KIDINS220: variants seen among roughly 807,000 people sequenced by gnomAD.
KIDINS220 encodes the protein kinase D interacting substrate 220.
Under a neutral mutation model 157.6 loss-of-function variants are expected in KIDINS220, and 63 were observed. The observed-to-expected ratio is 0.40, with a 90% CI of 0.33 to 0.49. The LOEUF is 0.49. Ranked by LOEUF, KIDINS220 falls within the 20% of genes least tolerant of loss-of-function variation. The probability of loss-of-function intolerance (pLI) is 0.66; values close to 1 mark genes in which losing one functional copy is unlikely to be tolerated. For synonymous variants in KIDINS220, 732 were observed against 783.6 expected, an observed-to-expected ratio of 0.93 and a Z score of 1.10; for missense variants, 1,772 against 2,171.2, an observed-to-expected ratio of 0.82 and a Z score of 3.65.
intron 22 of KIDINS220, among the ~76,000 whole-genome samples, chr2:8,766,473 C>A (rs976932468): frequency 6.6e-6 from 1 of 152,166 alleles, no homozygotes; most frequent in African/African-American, 2.4e-5. Flanking sequence ...ACACTTGCTG[C>A]CTTTAACATG....
chr2:8,793,904 C>G lies in KIDINS220; in HGVS notation c.1182G>C (p.Gly394=), dbSNP rs776644093. 6.2e-7 allele frequency: 1 copy of G among 1,613,822 alleles called. No individual in the cohort carries two copies. The highest frequency in any genetic ancestry group is 8.5e-7 in the Non-Finnish European group (1 of 1,179,940). Residue 394 remains glycine, a synonymous_variant, in exon 12 of 30, where the codon GGG becomes GGC. Coordinates refer to ENST00000256707, the MANE Select transcript of KIDINS220 (RefSeq NM_020738.4). ...AELLLRNPKD[G]RLLYRPNKAG... The stretch of plus-strand genomic sequence containing the variant: ...CTTTGTTGGGCCTATAAAGTAATCG[C>G]CCATCTTTGGGATTTCTTAAAAGCA...
intron 13 of KIDINS220, 69 bp from the exon 14 acceptor site, chr2:8,790,128 G>T: frequency 7.1e-7 from 1 of 1,399,396 alleles, no homozygotes. Context: ...AACTCAATAT[G>T]CAGTTTTCAC....
chr2:8,812,340 A>G (rs1288458646), intron 6 of KIDINS220, 55 bp downstream of exon 6: 10 of 832,304 alleles, frequency 1.2e-5, no homozygotes, highest in Admixed American at 2.4e-5. Context: ...TTTATAACTT[A>G]GACACTGAGT....
intron 11 of KIDINS220, chr2:8,794,278 G>T: frequency 4.6e-6 from 1 of 215,640 alleles, no homozygotes; most frequent in Non-Finnish European, 9.2e-6. Flanking sequence ...CTTTCTCCCT[G>T]CAGCTCCTCC....
At chr2:8,810,448 T>C (rs1676121962) in intron 6 of KIDINS220, among the ~76,000 whole-genome samples, 1 of 152,188 alleles carries the variant, frequency 6.6e-6, no homozygotes, top group South Asian at 2.1e-4. Flanking sequence ...AAACATTTTA[T>C]TATAGGCAAG....
intron 22 of KIDINS220, among the ~76,000 whole-genome samples, chr2:8,768,703 TA>T (rs1447325658): frequency 1.3e-5 from 2 of 152,156 alleles, no homozygotes; most frequent in Non-Finnish European, 2.9e-5. Flanking sequence ...CGGCTGTAAA[TA>T]AAACTTTCTC....
chr2:8,774,220 C>T (rs1670636523), intron 21 of KIDINS220, among the ~76,000 whole-genome samples: 2 of 150,590 alleles, frequency 1.3e-5, no homozygotes, highest in Admixed American at 1.3e-4. Flanking sequence ...CACTTAAACC[C>T]CGAAGGCGGA....
chr2:8,815,109 A>G (rs981561748), intron 4 of KIDINS220, among the ~76,000 whole-genome samples: 2 of 152,188 alleles, frequency 1.3e-5, no homozygotes, highest in Non-Finnish European at 2.9e-5. Flanking sequence ...TTCAATTTGA[A>G]TAATGTCCCA....
intron 21 of KIDINS220, among the ~76,000 whole-genome samples, chr2:8,773,079 T>G (rs976955972): frequency 3.9e-5 from 6 of 152,224 alleles, no homozygotes; most frequent in African/African-American, 1.4e-4. Flanking sequence ...GTAAGTTATT[T>G]TTCAACATAG....
intron 7 of KIDINS220, among the ~76,000 whole-genome samples, chr2:8,804,678 C>G (rs896575996): frequency 1.3e-5 from 2 of 151,974 alleles, no homozygotes; most frequent in African/African-American, 4.8e-5. Flanking sequence ...CAATGTTTTC[C>G]CCAATATTAA....
At position 8,757,873 on chromosome 2, in the gene KIDINS220, T is replaced by C. The variant is rs1668231652; in HGVS notation, c.3012-6229A>G. On this transcript the variant is annotated intron_variant, in intron 22 of 29. Transcript: ENST00000256707. ...TTCTGTATGTTTTCTTTGTTGGTTT[T>C]GTTTTTAAGATGGAGTTTCACTCTT... 5.7e-6 allele frequency: 7 copies of C among 1,231,958 alleles called. No individual in the cohort carries two copies. The South Asian group carries it at 8.8e-5, about 15-fold the overall frequency. 76.3% of individuals were successfully genotyped at this position (1,231,958 alleles called of 1,614,324 possible).
chr2:8,780,391 C>T (rs996588889), intron 17 of KIDINS220, among the ~76,000 whole-genome samples: 38 of 151,938 alleles, frequency 2.5e-4, no homozygotes, highest in African/African-American at 8.7e-4. Flanking sequence ...ATATGTATTT[C>T]CACTGGAAAA....
chr2:8,783,367 T>A (rs1236090271), intron 17 of KIDINS220, among the ~76,000 whole-genome samples: 1 of 152,186 alleles, frequency 6.6e-6, no homozygotes, highest in East Asian at 1.9e-4. Context: ...GTTAACATCA[T>A]ACTTAATGGT....
chr2:8,734,093 A>G lies in KIDINS220; in HGVS notation c.3817-413T>C, dbSNP rs957914944. 5.3e-5 allele frequency among the ~76,000 whole-genome samples: 8 copies of G among 152,030 alleles called. No individual in the cohort carries two copies. In the East Asian group the frequency reaches 1.6e-3, roughly 29 times the overall value. Reference sequence around the variant, plus strand: ...GGAGTCCAACTCGGAATAAGCACGAATGAGTGGGGATCTACCACCAAGGGG... The same window carrying G: ...GGAGTCCAACTCGGAATAAGCACGAGTGAGTGGGGATCTACCACCAAGGGG... On this transcript the variant is annotated intron_variant, in intron 28 of 29. Transcript: ENST00000256707.
chr2:8,775,395 T>C (rs749589775), intron 21 of KIDINS220, among the ~76,000 whole-genome samples: 1 of 150,694 alleles, frequency 6.6e-6, no homozygotes, highest in Non-Finnish European at 1.5e-5. Context: ...GGCATTCCAA[T>C]GCTAAATGGC....
rs571895407 is a variant in KIDINS220 at position 8,808,224 on chromosome 2, C to G, written c.505-1855G>C. Among the ~76,000 whole-genome samples the G allele has an allele frequency of 1.7e-4, 26 of 152,316 alleles. 3 individuals carry two copies. The highest frequency in any genetic ancestry group is 6.3e-4 in the African/African-American group (26 of 41,562). On this transcript the variant is annotated intron_variant, in intron 6 of 29. Coordinates refer to ENST00000256707, the MANE Select transcript of KIDINS220 (RefSeq NM_020738.4). ...AGAACTAAATTCTCTTTTCTAGCCT[C>G]CTCTTTTGCGGATAATACTTACTCT... is the stretch of plus-strand genomic sequence containing the variant.
At chr2:8,779,930 C>T in intron 17 of KIDINS220, 116 bp from the exon 18 acceptor site, 1 of 1,053,030 alleles carries the variant, frequency 9.5e-7, no homozygotes, top group Non-Finnish European at 1.4e-6. Context: ...ATTCAAAGTC[C>T]TTGCTGCCAG....
At chr2:8,728,698 T>C (rs1169382685), downstream of KIDINS220, among the ~76,000 whole-genome samples, 2 of 152,248 alleles carry the variant, frequency 1.3e-5, no homozygotes, top group Admixed American at 6.5e-5. Flanking sequence ...TAGCATGCTG[T>C]GGGCACAAAC....
intron 14 of KIDINS220, among the ~76,000 whole-genome samples, chr2:8,789,283 A>AT (rs70946384): frequency 0.095 from 10,325 of 109,120 alleles, 657 homozygotes; most frequent in East Asian, 0.16. Flanking sequence ...CAGAAAAAGA[A>AT]TTTTTTTTTT....
Sources: allele counts gnomAD v4.1 joint callset (sites outside exome capture counted in the v4.1 genomes callset), GRCh38; gene constraint gnomAD v4.1.1; transcripts MANE v1.5; gene names NCBI Gene and HGNC (gene_info 2026-07-23, HGNC 2026-07-21).